The following ZNF469 variants were observed in gnomAD, a reference collection of about 807,000 sequenced individuals.
ZNF469 encodes zinc finger protein 469.
In ZNF469, 1 loss-of-function variant was observed where a neutral mutation model predicts 1.0. That is an observed-to-expected ratio of 1.00 (90% CI 0.35 to 4.73). The LOEUF (loss-of-function observed/expected upper bound fraction) is 4.73, where lower values mean the gene tolerates loss of function less well. Among genes scored for constraint, ZNF469 ranks in the 30% most tolerant of loss-of-function variants. The probability of loss-of-function intolerance (pLI) is 0.16; values close to 1 mark genes in which losing one functional copy is unlikely to be tolerated. For missense variants in ZNF469, 6,100 were observed against 5,356.3 expected, an observed-to-expected ratio of 1.14 and a Z score of -4.33; for synonymous variants, 2,703 against 2,363.4, an observed-to-expected ratio of 1.14 and a Z score of -4.17.
chr16:88,143,390 G>A, the ZNF469 span, among the ~76,000 whole-genome samples: 1 of 152,196 alleles, frequency 6.6e-6, no homozygotes, highest in African/African-American at 2.4e-5. Flanking sequence ...GGTGCAGAGC[G>A]GGCTGGGGCG....
At chr16:88,228,416 G>T in the ZNF469 span, among the ~76,000 whole-genome samples, 17 of 152,366 alleles carry the variant, frequency 1.1e-4, no homozygotes, top group African/African-American at 4.1e-4. Context: ...TGCCCCGCAG[G>T]ACTACTGCGG....
intron 1 of ZNF469, among the ~76,000 whole-genome samples, chr16:88,395,235 GTAGATGGATGGATGGATGGATGGA>G (rs1567499681): frequency 5.8e-5 from 8 of 138,422 alleles, no homozygotes; most frequent in Admixed American, 2.2e-4. Context: ...GGGTGGATGG[GTAGATGGATGGATGGATGGATGGA>G]TGGATGGATG....
At chr16:88,416,350 A>T (rs4782355) in intron 1 of ZNF469, among the ~76,000 whole-genome samples, 3 of 152,316 alleles carry the variant, frequency 2.0e-5, no homozygotes, top group Non-Finnish European at 4.4e-5. Context: ...CACTTACGCT[A>T]TTGCTGCCCG....
chr16:88,333,765 G>A, the ZNF469 span, among the ~76,000 whole-genome samples: 3 of 132,758 alleles, frequency 2.3e-5, no homozygotes, highest in South Asian at 4.8e-4. Flanking sequence ...ATCCCGAGGA[G>A]AATAAAAACA....
At chr16:88,255,686 A>G in the ZNF469 span, among the ~76,000 whole-genome samples, 16 of 152,234 alleles carry the variant, frequency 1.1e-4, no homozygotes, top group Non-Finnish European at 2.1e-4. Context: ...ACAGTCCGAG[A>G]CAGGTTTATT....
the ZNF469 span, among the ~76,000 whole-genome samples, chr16:88,344,348 G>A: frequency 2.0e-5 from 3 of 152,230 alleles, no homozygotes; most frequent in African/African-American, 7.2e-5. Flanking sequence ...CCACAGTGAT[G>A]TGAGATGTTA....
chr16:88,280,272 G>T, the ZNF469 span, among the ~76,000 whole-genome samples: 9 of 151,454 alleles, frequency 5.9e-5, 2 homozygotes, highest in African/African-American at 1.7e-4. Flanking sequence ...ATCAGTGCAC[G>T]GTTAGTGCTG....
the ZNF469 span, among the ~76,000 whole-genome samples, chr16:88,169,433 C>A: frequency 6.6e-6 from 1 of 152,168 alleles, no homozygotes; most frequent in African/African-American, 2.4e-5. The surrounding 1 kb of genome is among the most constrained non-coding windows in gnomAD (Gnocchi z 6.1). Flanking sequence ...TGATTTCTGT[C>A]CTGGAGATGA....
chr16:88,378,795 G>A (rs2092514797), upstream of ZNF469, among the ~76,000 whole-genome samples: 1 of 152,226 alleles, frequency 6.6e-6, no homozygotes, highest in African/African-American at 2.4e-5. Context: ...GGATTAAAGA[G>A]CCCATGAGAT....
At chr16:88,192,777 GGTGGTGATA>G in the ZNF469 span, among the ~76,000 whole-genome samples, 56 of 150,792 alleles carry the variant, frequency 3.7e-4, no homozygotes, top group African/African-American at 1.2e-3. Context: ...TGGTGATGAT[GGTGGTGATA>G]GTGGTGATGA....
At chr16:88,389,161 G>A (rs971059779) in intron 1 of ZNF469, among the ~76,000 whole-genome samples, 4 of 152,220 alleles carry the variant, frequency 2.6e-5, no homozygotes, top group Non-Finnish European at 1.5e-5. Flanking sequence ...TGCCCATGAA[G>A]AAGTCACTCC....
At chr16:88,397,627 G>GA (rs879496348) in intron 1 of ZNF469, among the ~76,000 whole-genome samples, 34,395 of 138,738 alleles carry the variant, frequency 0.25, 4,386 homozygotes, top group African/African-American at 0.37. Context: ...ATGGGTGGAT[G>GA]GATGGATGGA....
chr16:88,280,462 G>C, the ZNF469 span, among the ~76,000 whole-genome samples: 9 of 151,896 alleles, frequency 5.9e-5, no homozygotes, highest in Non-Finnish European at 1.3e-4. Context: ...TCAGTACCGT[G>C]TTGATTTTGG....
the ZNF469 span, among the ~76,000 whole-genome samples, chr16:88,374,939 G>A: frequency 6.6e-6 from 1 of 152,228 alleles, no homozygotes; most frequent in African/African-American, 2.4e-5. Flanking sequence ...GCCTGGCAGC[G>A]TTCAGTGTGG....
At chr16:88,382,708 G>C (rs537925673), upstream of ZNF469, among the ~76,000 whole-genome samples, 2 of 152,320 alleles carry the variant, frequency 1.3e-5, no homozygotes, top group African/African-American at 2.4e-5. Context: ...CACATGGGTA[G>C]CATTATGGCA....
At chr16:88,343,917 G>A in the ZNF469 span, among the ~76,000 whole-genome samples, 1 of 152,242 alleles carries the variant, frequency 6.6e-6, no homozygotes, top group South Asian at 2.1e-4. Context: ...CAGTGGAGAT[G>A]CTGACAAACA....
chr16:88,174,476 GTCTATCTATCTA>G, the ZNF469 span, among the ~76,000 whole-genome samples: 3,371 of 101,686 alleles, frequency 0.033, 219 homozygotes, highest in African/African-American at 0.14. Context: ...CTGTCTGTCT[GTCTATCTATCTA>G]TCTATCTATC....
In ZNF469 at chr16:88,431,091, C is replaced by G; in HGVS notation, c.3621C>G (p.Thr1207=). 1 of 1,550,184 alleles carries G rather than the reference C, an allele frequency of 6.5e-7. No homozygotes were observed. Among genetic ancestry groups the G allele is most frequent in the Non-Finnish European group, 8.7e-7 (1 of 1,146,936 alleles). Reference sequence around the variant, plus strand: ...CCAAGGATCCCCTGCAGGTCCCCACCAACACCGAGACCTCAGAGGAAACCC... The same window carrying G: ...CCAAGGATCCCCTGCAGGTCCCCACGAACACCGAGACCTCAGAGGAAACCC... ...VAPKDPLQVP[T]NTETSEETRP... Residue 1207 remains threonine (T), a synonymous_variant, in exon 3 of 3, where the codon ACC becomes ACG. Coordinates refer to ENST00000565624, the MANE Select transcript of ZNF469 (RefSeq NM_001367624.2).
chr16:88,433,680 G>A lies in ZNF469; in HGVS notation c.6210G>A (p.Leu2070=). 1 of 1,549,736 alleles carries A rather than the reference G, an allele frequency of 6.5e-7. No individual in the cohort carries two copies. Among genetic ancestry groups the A allele is most frequent in the Non-Finnish European group, 8.7e-7 (1 of 1,146,736 alleles). The change falls in exon 3 of 3, where the codon TTG becomes TTA. Residue 2070 remains leucine (L), a synonymous_variant. Transcript: ENST00000565624. ...SPNRESLALA[L]TAAHSRSGSE... is the part of the protein sequence containing the mutation. ...ATAGGGAGTCCCTGGCGCTGGCCTT[G>A]ACAGCAGCCCACAGCCGAAGTGGAT...
Sources: allele counts gnomAD v4.1 joint callset (sites outside exome capture counted in the v4.1 genomes callset), GRCh38; gene constraint gnomAD v4.1.1; non-coding constraint Gnocchi (gnomAD v3.1); transcripts MANE v1.5; gene names NCBI Gene and HGNC (gene_info 2026-07-23, HGNC 2026-07-21).